Variants in EXD1 observed in about 807,000 individuals in gnomAD.
EXD1 encodes the protein exonuclease 3'-5' domain containing 1.
Under a neutral mutation model 49.1 loss-of-function variants are expected in EXD1, and 63 were observed. That is an observed-to-expected ratio of 1.28 (90% CI 1.05 to 1.58). The LOEUF (loss-of-function observed/expected upper bound fraction) is 1.58, where lower values mean the gene tolerates loss of function less well. Ranked by LOEUF, EXD1 falls within the 40% of genes most tolerant of loss-of-function variation. The pLI is 0.00. For missense variants in EXD1, 748 were observed against 666.0 expected, an observed-to-expected ratio of 1.12 and a Z score of -1.36; for synonymous variants, 234 against 239.2, an observed-to-expected ratio of 0.98 and a Z score of 0.20.
At chr15:41,229,173 G>T (rs746510476) in intron 1 of EXD1, among the ~76,000 whole-genome samples, 2 of 152,106 alleles carry the variant, frequency 1.3e-5, no homozygotes, top group African/African-American at 4.8e-5. Flanking sequence ...ACAAGTGCAC[G>T]ACAATCATAA....
intron 9 of EXD1, among the ~76,000 whole-genome samples, chr15:41,195,155 G>A (rs1474806181): frequency 6.6e-6 from 1 of 152,196 alleles, no homozygotes; most frequent in African/African-American, 2.4e-5. Flanking sequence ...GGGTGGCTGA[G>A]GCAGGAGGAT....
intron 6 of EXD1, among the ~76,000 whole-genome samples, chr15:41,215,474 C>G (rs530033713): frequency 6.6e-6 from 1 of 152,048 alleles, no homozygotes; most frequent in African/African-American, 2.4e-5. Context: ...ATCACGAGGT[C>G]AGGAGATCGA....
In EXD1 at chr15:41,195,825, A is replaced by G. The variant is rs2046602415; in HGVS notation, c.670T>C (p.Cys224Arg). 1 of 1,613,730 alleles carries G rather than the reference A, an allele frequency of 6.2e-7. No individual in the cohort carries two copies. The highest frequency in any genetic ancestry group is 2.2e-5 in the East Asian group (1 of 44,864). ...VIHDCRWLSDCLSHQYGILLN... is the reference protein window; with the variant it reads ...VIHDCRWLSDRLSHQYGILLN... ...AAAATTCCATACTGATGAGAGAGGC[A>G]ATCAGAAAGCCAACGACAATCATGG... is the stretch of plus-strand genomic sequence containing the variant. The change falls in exon 9 of 12, where the codon TGC (cysteine) becomes CGC (arginine). Residue 224 changes from cysteine (C) to arginine (R), a missense_variant. Coordinates refer to ENST00000458580, the MANE Select transcript of EXD1 (RefSeq NM_001286441.2).
chr15:41,210,724 T>C lies in EXD1; in HGVS notation c.448-1137A>G, dbSNP rs147385510. ...CCAGGTACACACTCTTGTCCTTTGA[T>C]TATCTATAATCTTACCCTATTTCAT... On this transcript the variant is annotated intron_variant, in intron 6 of 11. Coordinates refer to ENST00000458580, the MANE Select transcript of EXD1 (RefSeq NM_001286441.2). 2.0e-5 allele frequency among the ~76,000 whole-genome samples: 3 copies of C among 152,250 alleles called. No individual in the cohort carries two copies. In the East Asian group the frequency reaches 5.8e-4, roughly 29 times the overall value.
chr15:41,190,173 TAAAGA>T, intron 10 of EXD1, 45 bp from the exon 11 acceptor site: 1 of 1,599,748 alleles, frequency 6.3e-7, no homozygotes, highest in South Asian at 1.1e-5. Flanking sequence ...AGCAAGACTT[TAAAGA>T]AAATAACTGT....
At chr15:41,213,024 G>C (rs2046945077) in intron 6 of EXD1, among the ~76,000 whole-genome samples, 1 of 151,912 alleles carries the variant, frequency 6.6e-6, no homozygotes, top group African/African-American at 2.4e-5. Flanking sequence ...CTGGGTGACA[G>C]AGCAAGACCC....
chr15:41,222,183 G>A (rs1053277280), intron 2 of EXD1, among the ~76,000 whole-genome samples: 4 of 152,150 alleles, frequency 2.6e-5, no homozygotes, highest in Non-Finnish European at 4.4e-5. Context: ...GGGAGGCCGA[G>A]GCAGGCAGAT....
intron 7 of EXD1, among the ~76,000 whole-genome samples, chr15:41,207,302 G>A (rs2046846823): frequency 1.3e-5 from 2 of 152,036 alleles, no homozygotes; most frequent in Admixed American, 1.3e-4. Context: ...AGCACTATGG[G>A]AGGCCAAGGC....
intron 7 of EXD1, among the ~76,000 whole-genome samples, chr15:41,203,368 T>A (rs1209018349): frequency 6.6e-6 from 1 of 152,112 alleles, no homozygotes; most frequent in African/African-American, 2.4e-5. Context: ...AGTTCAGTAG[T>A]GGCCTGAAAA....
At position 41,230,674 on chromosome 15, in the gene EXD1, C is replaced by T. The variant is rs184843962; in HGVS notation, c.-249G>A. Reference sequence around the variant, plus strand: ...CCGGCGGCGGTTATCAAATCACAGGCTGAAAACCTGGAGAAAGGTCCGCGA... The same window carrying T: ...CCGGCGGCGGTTATCAAATCACAGGTTGAAAACCTGGAGAAAGGTCCGCGA... On this transcript the variant is annotated 5_prime_UTR_variant, in exon 1 of 12. Transcript: ENST00000458580. The T allele has an allele frequency of 1.0e-6, 1 of 1,003,456 alleles. No homozygotes were observed. Among genetic ancestry groups the T allele is most frequent in the African/African-American group, 1.6e-5 (1 of 61,022 alleles). The allele number at this position is 1,003,456 out of a possible 1,614,324, so 62.2% of individuals were successfully genotyped here.
Position 41,183,106 on chromosome 15 carries a change from A to T in EXD1, c.*825T>A, listed in dbSNP as rs1318638454. The T allele has an allele frequency of 6.6e-6, 1 of 152,304 alleles. No individual in the cohort carries two copies. Among genetic ancestry groups the T allele is most frequent in the African/African-American group, 2.4e-5 (1 of 41,474 alleles). The allele number at this position is 152,304 out of a possible 1,614,324, so 9.4% of individuals were successfully genotyped here. A position where few individuals can be genotyped will look rare whatever the true frequency, so the allele number is the denominator to read the frequency against. On this transcript the variant is annotated 3_prime_UTR_variant, in exon 12 of 12. Coordinates refer to ENST00000458580, the MANE Select transcript of EXD1 (RefSeq NM_001286441.2). ...GGAGTTCGAGACCAGCCTGGCCAAC[A>T]TGGTGAAACCCCATCTCTACTAAAA...
chr15:41,186,077 G>A (rs1264895519), intron 11 of EXD1, among the ~76,000 whole-genome samples: 2 of 152,010 alleles, frequency 1.3e-5, no homozygotes, highest in African/African-American at 4.8e-5. Flanking sequence ...CACAATTTTT[G>A]TACTGTTCCT....
At position 41,189,961 on chromosome 15, in the gene EXD1, A is replaced by C. The variant is rs1223768663; in HGVS notation, c.1032T>G (p.Ser344=). The C allele has an allele frequency of 7.4e-6, 12 of 1,614,098 alleles. No individual in the cohort carries two copies. The highest frequency in any genetic ancestry group is 5.0e-5 in the Admixed American group (3 of 60,004). ...DGYLNTYREG[S]ADRLGGTEPT... Reference sequence around the variant, plus strand: ...CCTCAGTGCCTCCAAGCCGGTCTGCAGACCCTTCGCGATACGTGTTTAGGT... The same window carrying C: ...CCTCAGTGCCTCCAAGCCGGTCTGCCGACCCTTCGCGATACGTGTTTAGGT... The change falls in exon 11 of 12, where the codon TCT becomes TCG. Residue 344 remains serine, a synonymous_variant. Coordinates refer to ENST00000458580, the MANE Select transcript of EXD1 (RefSeq NM_001286441.2).
intron 6 of EXD1, among the ~76,000 whole-genome samples, chr15:41,210,634 G>A (rs1266062233): frequency 6.6e-6 from 1 of 151,558 alleles, no homozygotes; most frequent in African/African-American, 2.4e-5. Flanking sequence ...AGGCTGCAGT[G>A]AGCCATGATG....
rs967337865 is a variant in EXD1 at position 41,230,697 on chromosome 15, C to T, written c.-272G>A. 2.6e-6 allele frequency: 2 copies of T among 776,440 alleles called. No homozygotes were observed. The highest frequency in any genetic ancestry group is 4.0e-6 in the Non-Finnish European group (2 of 496,224). The allele number at this position is 776,440 out of a possible 1,614,324, so 48.1% of individuals were successfully genotyped here. A position where few individuals can be genotyped will look rare whatever the true frequency, so the allele number is the denominator to read the frequency against. On this transcript the variant is annotated 5_prime_UTR_variant, in exon 1 of 12. Transcript: ENST00000458580. ...GGCTGAAAACCTGGAGAAAGGTCCGCGACGCCGGGGACACACGCCGCAGAG... is the reference window on the plus strand; with the variant it reads ...GGCTGAAAACCTGGAGAAAGGTCCGTGACGCCGGGGACACACGCCGCAGAG...
chr15:41,225,209 C>A (rs1285992851), intron 2 of EXD1, among the ~76,000 whole-genome samples: 2 of 152,150 alleles, frequency 1.3e-5, no homozygotes, highest in Non-Finnish European at 2.9e-5. Context: ...AAATTTAACC[C>A]CTTACTGTAT....
intron 7 of EXD1, among the ~76,000 whole-genome samples, chr15:41,204,465 C>G (rs956319600): frequency 1.3e-5 from 2 of 151,282 alleles, no homozygotes; most frequent in Admixed American, 1.3e-4. Flanking sequence ...GCAGGAGAAT[C>G]GCTGGAACCC....
At chr15:41,200,848 C>A (rs1237440867) in intron 7 of EXD1, among the ~76,000 whole-genome samples, 1 of 151,976 alleles carries the variant, frequency 6.6e-6, no homozygotes, top group African/African-American at 2.4e-5. Context: ...GAGGAAACAA[C>A]CCCCACACAT....
intron 11 of EXD1, 37 bp downstream of exon 11, chr15:41,189,900 C>T: frequency 6.3e-7 from 1 of 1,598,500 alleles, no homozygotes; most frequent in East Asian, 2.2e-5. Flanking sequence ...CTTGAGAAGG[C>T]AGAAAGGAGG....
Sources: gnomAD v4.1 joint callset for allele counts (sites outside exome capture counted in the v4.1 genomes callset) on GRCh38, gnomAD v4.1.1 for gene constraint, MANE v1.5 for transcripts, NCBI Gene and HGNC (gene_info 2026-07-23, HGNC 2026-07-21) for gene names.